GRID1: variants seen among roughly 807,000 people sequenced by gnomAD.
GRID1 encodes the protein glutamate ionotropic receptor delta type subunit 1, also known as glutamate receptor ionotropic, delta-1.
GRID1 carries 28 observed loss-of-function variants against 98.0 expected under a neutral mutation model. The ratio of observed to expected loss-of-function variants is 0.29; its 90% CI spans 0.21 to 0.39. The LOEUF (loss-of-function observed/expected upper bound fraction) is 0.39, where lower values mean the gene tolerates loss of function less well. Ranked by LOEUF, GRID1 falls within the 10% of genes least tolerant of loss-of-function variation. The pLI is 1.00. For synonymous variants in GRID1, 553 were observed against 538.5 expected (o/e 1.03, Z -0.37); for missense variants, 1,111 against 1,340.5 (o/e 0.83, Z 2.67).
intron 4 of GRID1, among the ~76,000 whole-genome samples, chr10:86,115,278 A>G (rs1427184369): frequency 6.6e-6 from 1 of 152,222 alleles, no homozygotes; most frequent in Non-Finnish European, 1.5e-5. Flanking sequence ...GTGACTCTAC[A>G]TAGACATTGA....
At chr10:86,228,704 C>T (rs763286117) in intron 2 of GRID1, among the ~76,000 whole-genome samples, 1 of 151,342 alleles carries the variant, frequency 6.6e-6, no homozygotes. Flanking sequence ...CTCCAGCCCA[C>T]AGCAGAGCTT....
At chr10:86,299,554 C>T (rs899503652) in intron 2 of GRID1, among the ~76,000 whole-genome samples, 1 of 151,344 alleles carries the variant, frequency 6.6e-6, no homozygotes, top group African/African-American at 2.4e-5. Flanking sequence ...TCTCAGCAAA[C>T]TATCTCAAGG....
At chr10:85,656,207 C>A (rs1840893369) in intron 12 of GRID1, among the ~76,000 whole-genome samples, 1 of 152,152 alleles carries the variant, frequency 6.6e-6, no homozygotes, top group Non-Finnish European at 1.5e-5. Flanking sequence ...CTTCACATCC[C>A]TCCAACCAGT....
At chr10:85,642,204 T>C (rs1353131591) in intron 13 of GRID1, among the ~76,000 whole-genome samples, 3 of 152,188 alleles carry the variant, frequency 2.0e-5, no homozygotes, top group African/African-American at 7.2e-5. Flanking sequence ...AAACAGCATG[T>C]AAATAAATGA....
At chr10:86,171,252 A>G (rs55886439) in intron 3 of GRID1, among the ~76,000 whole-genome samples, 7,306 of 152,256 alleles carry the variant, frequency 0.048, 306 homozygotes, top group South Asian at 0.15. Flanking sequence ...AGCTCAAGAG[A>G]ACCACTAGGG....
intron 2 of GRID1, among the ~76,000 whole-genome samples, chr10:86,267,588 AGGGACG>A (rs1011246742): frequency 1.3e-5 from 2 of 152,262 alleles, no homozygotes; most frequent in Non-Finnish European, 2.9e-5. Flanking sequence ...AGATGCATGC[AGGGACG>A]GGGCCCTTGC....
At chr10:85,660,221 C>G (rs1840949796) in intron 12 of GRID1, among the ~76,000 whole-genome samples, 1 of 152,188 alleles carries the variant, frequency 6.6e-6, no homozygotes, top group Non-Finnish European at 1.5e-5. Flanking sequence ...CACCTATGCC[C>G]CAGTTAGGAC....
At chr10:86,114,470 G>A (rs1222957242) in intron 4 of GRID1, among the ~76,000 whole-genome samples, 4 of 152,108 alleles carry the variant, frequency 2.6e-5, no homozygotes, top group Non-Finnish European at 5.9e-5. Context: ...AGAAACTCAG[G>A]GCTCAGGAAG....
chr10:85,770,449 T>A (rs1475237127), intron 8 of GRID1, among the ~76,000 whole-genome samples: 1 of 152,146 alleles, frequency 6.6e-6, no homozygotes, highest in Non-Finnish European at 1.5e-5. Context: ...CAGCTCCTCA[T>A]GAGCAACGGA....
chr10:86,134,207 A>G (rs1208623818), intron 4 of GRID1, among the ~76,000 whole-genome samples: 1 of 152,228 alleles, frequency 6.6e-6, no homozygotes, highest in Non-Finnish European at 1.5e-5. Context: ...ACGACTTTCC[A>G]TATCATAGCC....
chr10:86,138,992 C>A lies in GRID1; in HGVS notation c.553G>T (p.Ala185Ser), dbSNP rs149732422. The A allele has an allele frequency of 1.9e-6, 3 of 1,614,004 alleles. No individual in the cohort carries two copies. Among genetic ancestry groups the A allele is most frequent in the East Asian group, 2.2e-5 (1 of 44,886 alleles). The change falls in exon 4 of 16, where the codon GCC (alanine) becomes TCC (serine). Residue 185 changes from alanine to serine, a missense_variant. Ala to Ser is a moderately conservative substitution (Grantham distance 99). Transcript: ENST00000327946. ...IRGLQSFLDQ[A>S]SRLGLDVSLQ... The stretch of plus-strand genomic sequence containing the variant: ...GAGACGTCAAGGCCCAGCCGCGAGG[C>A]CTGGTCCAGAAAGCTTTGAAGCCCA...
At chr10:85,891,989 T>C (rs1841207797) in intron 5 of GRID1, among the ~76,000 whole-genome samples, 3 of 151,852 alleles carry the variant, frequency 2.0e-5, no homozygotes, top group African/African-American at 4.8e-5. Context: ...ATATTATAAA[T>C]ATTATAAACA....
intron 4 of GRID1, among the ~76,000 whole-genome samples, chr10:85,968,581 C>T (rs969651741): frequency 1.3e-5 from 2 of 151,812 alleles, no homozygotes; most frequent in African/African-American, 4.8e-5. Context: ...AACAGCTACA[C>T]TAAAGCAAAG....
At chr10:85,749,450 T>G (rs971487535) in intron 8 of GRID1, among the ~76,000 whole-genome samples, 1 of 152,164 alleles carries the variant, frequency 6.6e-6, no homozygotes, top group Non-Finnish European at 1.5e-5. Context: ...AAACCTCTAT[T>G]GCATTAAGCC....
At chr10:86,075,113 G>A (rs574472184) in intron 4 of GRID1, among the ~76,000 whole-genome samples, 1,496 of 145,788 alleles carry the variant, frequency 0.01, 16 homozygotes, top group Non-Finnish European at 0.017. Flanking sequence ...CATGGTCCCC[G>A]CGGAAGGCTC....
At chr10:86,215,997 C>G (rs12773036) in intron 2 of GRID1, among the ~76,000 whole-genome samples, 2 of 152,204 alleles carry the variant, frequency 1.3e-5, no homozygotes, top group African/African-American at 4.8e-5. Context: ...ATTCTAATCT[C>G]TATCTTTGCA....
chr10:85,956,146 T>G (rs966664025), intron 4 of GRID1, among the ~76,000 whole-genome samples: 1 of 152,248 alleles, frequency 6.6e-6, no homozygotes. Flanking sequence ...ACTCATATCT[T>G]GTTTTCCAAA....
chr10:86,221,218 A>G (rs923101055), intron 2 of GRID1, among the ~76,000 whole-genome samples: 6 of 152,258 alleles, frequency 3.9e-5, no homozygotes, highest in Non-Finnish European at 7.3e-5. Flanking sequence ...AAATTTTCAC[A>G]GTAGCAGATG....
intron 2 of GRID1, among the ~76,000 whole-genome samples, chr10:86,330,449 C>G (rs1848123207): frequency 6.6e-6 from 1 of 152,170 alleles, no homozygotes; most frequent in Non-Finnish European, 1.5e-5. Flanking sequence ...CCAGCAAGCC[C>G]ACCCACAGCC....
Sources: gnomAD v4.1 joint callset for allele counts (sites outside exome capture counted in the v4.1 genomes callset) on GRCh38, gnomAD v4.1.1 for gene constraint, MANE v1.5 for transcripts, NCBI Gene and HGNC (gene_info 2026-07-23, HGNC 2026-07-21) for gene names.